The following ZC3H18 variants were observed in gnomAD, a reference collection of about 807,000 sequenced individuals.
ZC3H18 encodes zinc finger CCCH-type containing 18.
Under a neutral mutation model 106.1 loss-of-function variants are expected in ZC3H18, and 8 were observed. The ratio of observed to expected loss-of-function variants is 0.08; its 90% CI spans 0.04 to 0.14. The LOEUF is 0.14. ZC3H18 is among the 10% of genes least tolerant of loss of function. The pLI, the probability that ZC3H18 is intolerant of heterozygous loss-of-function variation, is 1.00. For synonymous variants in ZC3H18, 635 were observed against 522.1 expected (o/e 1.22, Z -2.95); for missense variants, 1,318 against 1,278.4 (o/e 1.03, Z -0.47).
chr16:88,618,174 C>T (rs1416763509), intron 8 of ZC3H18, among the ~76,000 whole-genome samples: 1 of 151,638 alleles, frequency 6.6e-6, no homozygotes, highest in Non-Finnish European at 1.5e-5. Context: ...TCAGGTCGTC[C>T]ATTGGACTCC....
rs761683556 is a variant in ZC3H18, at chr16:88,622,566, A to G, written c.1667+178A>G. On this transcript the variant is annotated intron_variant, in intron 9 of 17. Transcript: ENST00000301011. ...TTTATACCTTCAGCAAAGAGCATCA[A>G]TGCCAAGTAGGACTGACGCAGTGAC... 27 of 688,012 alleles carry G rather than the reference A, an allele frequency of 3.9e-5. 1 individual carries two copies. Among genetic ancestry groups the G allele is most frequent in the Non-Finnish European group, 6.1e-5 (26 of 425,882 alleles). 42.6% of individuals were successfully genotyped at this position (688,012 alleles called of 1,614,324 possible). A position where few individuals can be genotyped will look rare whatever the true frequency, so the allele number is the denominator to read the frequency against.
At chr16:88,605,364 C>T (rs1038438030) in intron 6 of ZC3H18, among the ~76,000 whole-genome samples, 2 of 152,244 alleles carry the variant, frequency 1.3e-5, no homozygotes, top group Non-Finnish European at 2.9e-5. Flanking sequence ...CAGTGGCCAG[C>T]GTTGCAACAG....
chr16:88,580,238 C>A (rs11646028), intron 2 of ZC3H18, among the ~76,000 whole-genome samples: 105 of 146,816 alleles, frequency 7.2e-4, no homozygotes, highest in Non-Finnish European at 8.5e-4. Context: ...CTGCTGCTTC[C>A]CCTATTCCCA....
intron 3 of ZC3H18, among the ~76,000 whole-genome samples, chr16:88,588,108 A>G (rs1477259222): frequency 6.6e-6 from 1 of 152,214 alleles, no homozygotes; most frequent in Non-Finnish European, 1.5e-5. Context: ...TACGTTTTGG[A>G]AAAGCTTTGG....
At chr16:88,579,782 T>C (rs1914996253) in intron 2 of ZC3H18, among the ~76,000 whole-genome samples, 2 of 152,074 alleles carry the variant, frequency 1.3e-5, no homozygotes, top group African/African-American at 4.8e-5. Flanking sequence ...GGGAGGCAGG[T>C]TTCTTCCACC....
intron 2 of ZC3H18, among the ~76,000 whole-genome samples, chr16:88,582,227 T>TTTC (rs1366443992): frequency 7.6e-6 from 1 of 132,078 alleles, no homozygotes; most frequent in East Asian, 2.2e-4. Flanking sequence ...TTCTTTTTTT[T>TTTC]TTTTTTTTTT....
intron 3 of ZC3H18, among the ~76,000 whole-genome samples, chr16:88,595,115 C>T (rs1472872899): frequency 6.6e-6 from 1 of 152,206 alleles, no homozygotes; most frequent in Non-Finnish European, 1.5e-5. Context: ...TGTGCCATTG[C>T]ACTCCAGCCT....
intron 17 of ZC3H18, 145 bp from the exon 18 acceptor site, chr16:88,630,956 C>A: frequency 1.0e-6 from 1 of 998,248 alleles, no homozygotes. Flanking sequence ...CTGCTTGTGG[C>A]AGTGGGAGCC....
At chr16:88,628,714 G>A (rs370195614) in intron 15 of ZC3H18, 44 bp from the exon 16 acceptor site, 8 of 1,607,676 alleles carry the variant, frequency 5.0e-6, no homozygotes, top group Non-Finnish European at 6.8e-6. Flanking sequence ...CACGGCTTCT[G>A]GCTCCTGGCC....
intron 3 of ZC3H18, among the ~76,000 whole-genome samples, chr16:88,593,971 T>C (rs976625713): frequency 6.6e-6 from 1 of 152,166 alleles, no homozygotes; most frequent in Non-Finnish European, 1.5e-5. Context: ...AAAAGTGTGG[T>C]GATAGGGTTC....
chr16:88,579,548 G>C (rs1025171944), intron 2 of ZC3H18, among the ~76,000 whole-genome samples: 6 of 152,192 alleles, frequency 3.9e-5, no homozygotes, highest in African/African-American at 1.4e-4. Context: ...CATGGGCGCG[G>C]GCGGTGCGGT....
At position 88,623,309 on chromosome 16, in the gene ZC3H18, T is replaced by C. The variant is rs1341466397; in HGVS notation, c.1758T>C (p.Ser586=). ...CCTACAGCTCCTACTCCAGCCGCTC[T>C]TCCAGACACAGCTCGTTCTCAGGAA... ...SSSYSSYSSR[S]SRHSSFSGSR... is the part of the protein sequence containing the mutation. Residue 586 remains serine (S), a synonymous_variant, in exon 10 of 18, where the codon TCT becomes TCC. Transcript: ENST00000301011. 1 of 1,613,888 alleles carries C rather than the reference T, an allele frequency of 6.2e-7. No homozygotes were observed. The highest frequency in any genetic ancestry group is 8.5e-7 in the Non-Finnish European group (1 of 1,179,972).
At position 88,628,794 on chromosome 16, in the gene ZC3H18, T is replaced by G; in HGVS notation, c.2506T>G (p.Ser836Ala). 6.2e-7 allele frequency: 1 copy of G among 1,613,986 alleles called. No individual in the cohort carries two copies. Among genetic ancestry groups the G allele is most frequent in the Non-Finnish European group, 8.5e-7 (1 of 1,179,954 alleles). The change falls in exon 16 of 18, where the codon TCA becomes GCA. Residue 836 changes from serine (S) to alanine (A), a missense_variant. Physicochemically the swap from Ser to Ala is moderately conservative, Grantham distance 99. Around this residue, in one of 6 missense-constraint regions of ZC3H18, gnomAD observed 848 missense variants for 821.7 expected, o/e 1.03. Transcript: ENST00000301011. ...DKGSRKRYEPSDKDRQSPPPA... is the reference protein window; with the variant it reads ...DKGSRKRYEPADKDRQSPPPA... Reference sequence around the variant, plus strand: ...AGGAAGCAGGAAGCGCTATGAACCATCAGACAAGGACAGGCAGAGCCCTCC... The same window carrying G: ...AGGAAGCAGGAAGCGCTATGAACCAGCAGACAAGGACAGGCAGAGCCCTCC...
At chr16:88,606,750 T>C (rs1242409540) in intron 6 of ZC3H18, among the ~76,000 whole-genome samples, 1 of 152,120 alleles carries the variant, frequency 6.6e-6, no homozygotes, top group Admixed American at 6.5e-5. Flanking sequence ...TTCAGTGTGA[T>C]TTGAGTAGTG....
chr16:88,616,382 G>T (rs115707303), intron 8 of ZC3H18, among the ~76,000 whole-genome samples: 1 of 152,178 alleles, frequency 6.6e-6, no homozygotes, highest in Non-Finnish European at 1.5e-5. Context: ...GTGCTCCTGG[G>T]GCTGCCCTCA....
chr16:88,581,348 A>G (rs959735589), intron 2 of ZC3H18, among the ~76,000 whole-genome samples: 3 of 151,974 alleles, frequency 2.0e-5, no homozygotes, highest in Admixed American at 6.6e-5. Flanking sequence ...TCCCTTTTAG[A>G]TTTTGGGTCA....
At chr16:88,628,187 A>G in intron 15 of ZC3H18, 68 bp downstream of exon 15, 2 of 1,563,658 alleles carry the variant, frequency 1.3e-6, no homozygotes, top group Non-Finnish European at 1.7e-6. Context: ...TTCCTGAGAC[A>G]GCTTCCTCCT....
rs1449245823 is a variant in ZC3H18, at chr16:88,570,584, GGGCGGCGGGAGGCCGGGCCGGC to G, written c.-15+31_-15+52del. ...GCGCTGAGGTTAGCTGGGGCCGGGA[GGGCGGCGGGAGGCCGGGCCGGC>G]GGCGGCGGGAGGAGGAGGCCGCCGA... On this transcript the variant is annotated intron_variant, in intron 1 of 17. Coordinates refer to ENST00000301011, the MANE Select transcript of ZC3H18 (RefSeq NM_144604.4). The G allele has an allele frequency of 2.0e-5, 3 of 151,720 alleles. No homozygotes were observed. The highest frequency in any genetic ancestry group is 3.9e-4 in the East Asian group (2 of 5,178). 9.4% of individuals were successfully genotyped at this position (151,720 alleles called of 1,614,324 possible).
At chr16:88,576,145 C>T (rs1914733220) in intron 1 of ZC3H18, among the ~76,000 whole-genome samples, 2 of 152,114 alleles carry the variant, frequency 1.3e-5, no homozygotes, top group African/African-American at 4.8e-5. Context: ...CATGATCCAC[C>T]TGCCTCGGGC....
Sources: gnomAD v4.1 joint callset for allele counts (sites outside exome capture counted in the v4.1 genomes callset) on GRCh38, gnomAD v4.1.1 for gene constraint, gnomAD v4.1.1 regional missense constraint, MANE v1.5 for transcripts, NCBI Gene and HGNC (gene_info 2026-07-23, HGNC 2026-07-21) for gene names.